The following ELAPOR2 variants were observed in gnomAD, a reference collection of about 807,000 sequenced individuals.
ELAPOR2 encodes endosome-lysosome associated apoptosis and autophagy regulator family member 2, also known as endosome/lysosome-associated apoptosis and autophagy regulator family member 2.
In ELAPOR2, 89 loss-of-function variants were observed where a neutral mutation model predicts 120.7. That is an observed-to-expected ratio of 0.74 (90% CI 0.62 to 0.88). ELAPOR2 has a LOEUF of 0.88. Ranked by LOEUF, ELAPOR2 falls within the 40% of genes least tolerant of loss-of-function variation. ELAPOR2 has a pLI of 0.00. For synonymous variants in ELAPOR2, 444 were observed against 444.9 expected, an observed-to-expected ratio of 1.00 and a Z score of 0.03; for missense variants, 1,134 against 1,251.6, an observed-to-expected ratio of 0.91 and a Z score of 1.42.
chr7:87,024,030 C>T (rs1264547472), intron 1 of ELAPOR2, among the ~76,000 whole-genome samples: 5 of 152,274 alleles, frequency 3.3e-5, no homozygotes, highest in African/African-American at 9.6e-5. Context: ...ATTTGACTTC[C>T]TCTTTGCCTA....
At chr7:86,936,375 A>AC (rs1336932054) in intron 8 of ELAPOR2, among the ~76,000 whole-genome samples, 1 of 151,858 alleles carries the variant, frequency 6.6e-6, no homozygotes, top group African/African-American at 2.4e-5. Context: ...ATGCCACTTT[A>AC]CCCCACTAAA....
intron 2 of ELAPOR2, among the ~76,000 whole-genome samples, chr7:86,958,082 A>T (rs1308707080): frequency 6.6e-6 from 1 of 152,192 alleles, no homozygotes; most frequent in Non-Finnish European, 1.5e-5. Flanking sequence ...GATGGGGATA[A>T]GCACTTGTTC....
intron 2 of ELAPOR2, 107 bp downstream of exon 2, chr7:86,964,797 C>T: frequency 8.3e-7 from 1 of 1,203,240 alleles, no homozygotes; most frequent in Non-Finnish European, 1.2e-6. Context: ...ATGCCATATG[C>T]TCATTTTTGT....
At chr7:86,908,345 T>C in intron 17 of ELAPOR2, 102 bp downstream of exon 17, 2 of 640,304 alleles carry the variant, frequency 3.1e-6, no homozygotes, top group Admixed American at 6.5e-5. Flanking sequence ...ATCTGGTATA[T>C]GATTACATAC....
Position 86,938,202 on chromosome 7 carries a change from C to G in ELAPOR2, c.1013G>C (p.Ser338Thr). 1.3e-6 allele frequency: 2 copies of G among 1,550,144 alleles called. No individual in the cohort carries two copies. The highest frequency in any genetic ancestry group is 1.7e-6 in the Non-Finnish European group (2 of 1,145,424). ...ACAGGGAGGGCGCTCTGTACACTCA[C>G]TGGATCCTTCCTCTGCAACATAAAA... Reference protein sequence around the residue: ...DDSQFSEEGSSECTERPPCTT... With the variant: ...DDSQFSEEGSTECTERPPCTT... Residue 338 changes from serine to threonine, a missense_variant, in exon 8 of 22, where the codon AGT (serine) becomes ACT (threonine). Coordinates refer to ENST00000450689, the MANE Select transcript of ELAPOR2 (RefSeq NM_001142749.3).
In ELAPOR2 at chr7:86,878,029, T is replaced by A. The variant is rs1393144717; in HGVS notation, c.*2442A>T. The A allele has an allele frequency of 2.0e-5, 3 of 152,190 alleles. No homozygotes were observed. Among genetic ancestry groups the A allele is most frequent in the African/African-American group, 7.2e-5 (3 of 41,442 alleles). The allele number at this position is 152,190 out of a possible 1,614,324, so 9.4% of individuals were successfully genotyped here. A position where few individuals can be genotyped will look rare whatever the true frequency, so the allele number is the denominator to read the frequency against. ...ATACGTTTTGACGAGTGCTAAGAGA[T>A]GTTATAGGCAACAGTTGACTTAATG... On this transcript the variant is annotated 3_prime_UTR_variant, in exon 22 of 22. Transcript: ENST00000450689.
At chr7:87,039,552 T>C (rs1794694281) in intron 1 of ELAPOR2, among the ~76,000 whole-genome samples, 1 of 152,154 alleles carries the variant, frequency 6.6e-6, no homozygotes, top group Non-Finnish European at 1.5e-5. Context: ...AGAAGGATCA[T>C]TCATCATGAC....
At chr7:86,933,504 A>T (rs992025704) in intron 8 of ELAPOR2, among the ~76,000 whole-genome samples, 4 of 152,070 alleles carry the variant, frequency 2.6e-5, no homozygotes, top group Middle Eastern at 3.4e-3. Context: ...AGGTTTCGTT[A>T]TAATCTCACA....
At chr7:86,992,437 A>T (rs1792974998) in intron 1 of ELAPOR2, among the ~76,000 whole-genome samples, 1 of 152,248 alleles carries the variant, frequency 6.6e-6, no homozygotes, top group Non-Finnish European at 1.5e-5. Context: ...GTCTCAAAAA[A>T]AAAATAGCTC....
intron 1 of ELAPOR2, among the ~76,000 whole-genome samples, chr7:87,029,837 T>A (rs984307668): frequency 2.0e-5 from 3 of 151,984 alleles, no homozygotes; most frequent in Non-Finnish European, 4.4e-5. Flanking sequence ...AAAGAGGTCA[T>A]AGAAGAGTAG....
At chr7:87,012,466 A>T (rs1052632017) in intron 1 of ELAPOR2, among the ~76,000 whole-genome samples, 2 of 152,120 alleles carry the variant, frequency 1.3e-5, no homozygotes, top group Admixed American at 6.6e-5. Context: ...CCACAGTATT[A>T]GTCTAGTTCT....
At chr7:86,990,204 G>A (rs1042023487) in intron 1 of ELAPOR2, among the ~76,000 whole-genome samples, 2 of 151,900 alleles carry the variant, frequency 1.3e-5, no homozygotes, top group Non-Finnish European at 2.9e-5. Context: ...CTGCCACCAC[G>A]CCCAGCTAAT....
intron 1 of ELAPOR2, among the ~76,000 whole-genome samples, chr7:86,978,948 C>T (rs1344853143): frequency 6.6e-6 from 1 of 152,160 alleles, no homozygotes; most frequent in African/African-American, 2.4e-5. Context: ...TTCCTCAATT[C>T]TGAAATGCAG....
chr7:86,897,852 C>G (rs6965383), intron 18 of ELAPOR2, among the ~76,000 whole-genome samples: 56,687 of 151,958 alleles, frequency 0.37, 12,663 homozygotes, highest in African/African-American at 0.64. Context: ...CAAGTGTTGT[C>G]AGGATGTGGA....
chr7:86,965,749 G>T, intron 1 of ELAPOR2: 2 of 842,490 alleles, frequency 2.4e-6, no homozygotes, highest in Non-Finnish European at 2.9e-6. Flanking sequence ...AAATATTATT[G>T]GAGCATTTTA....
In ELAPOR2 at chr7:86,973,110, C is replaced by T. The variant is rs140152693; in HGVS notation, c.190-8086G>A. On this transcript the variant is annotated intron_variant, in intron 1 of 21. Transcript: ENST00000450689. The stretch of plus-strand genomic sequence containing the variant: ...ATCAGCCTAATGGGCCTCTTTGCTT[C>T]TGCTCTTGCCCACACCTACTACACT... 4.4e-3 allele frequency among the ~76,000 whole-genome samples: 674 copies of T among 152,162 alleles called. 1 individual carries two copies. The highest frequency in any genetic ancestry group is 0.015 in the African/African-American group (629 of 41,512).
intron 21 of ELAPOR2, among the ~76,000 whole-genome samples, chr7:86,885,821 T>C (rs559216268): frequency 1.3e-5 from 2 of 152,298 alleles, no homozygotes; most frequent in East Asian, 1.9e-4. Context: ...TTGTTGCTTC[T>C]ACATCTGAAT....
At position 86,909,960 on chromosome 7, in the gene ELAPOR2, A is replaced by G; in HGVS notation, c.2211T>C (p.Phe737=). 1.2e-6 allele frequency: 2 copies of G among 1,613,022 alleles called. No individual in the cohort carries two copies. Among genetic ancestry groups the G allele is most frequent in the African/African-American group, 1.3e-5 (1 of 74,988 alleles). Residue 737 remains phenylalanine, a synonymous_variant, in exon 16 of 22, where the codon TTT becomes TTC. Coordinates refer to ENST00000450689, the MANE Select transcript of ELAPOR2 (RefSeq NM_001142749.3). ...ACCCTGCCACTATTTCTTTTACTGT[A>G]AAGTCTGTTATATTGTTGGTACAGA... ...MALCTNNITD[F]TVKEIVAGSD... is the part of the protein sequence containing the mutation.
At chr7:86,955,701 CAA>C in intron 2 of ELAPOR2, among the ~76,000 whole-genome samples, 1 of 151,884 alleles carries the variant, frequency 6.6e-6, no homozygotes, top group South Asian at 2.1e-4. Flanking sequence ...TCAGAATCAC[CAA>C]AAGAGACCTT....
Sources: gnomAD v4.1 joint callset for allele counts (sites outside exome capture counted in the v4.1 genomes callset) on GRCh38, gnomAD v4.1.1 for gene constraint, MANE v1.5 for transcripts, NCBI Gene and HGNC (gene_info 2026-07-23, HGNC 2026-07-21) for gene names.